Variants in SAMD12 observed in about 807,000 individuals in gnomAD.
SAMD12 encodes sterile alpha motif domain containing 12.
SAMD12 carries 9 observed loss-of-function variants against 15.0 expected under a neutral mutation model. The ratio of observed to expected loss-of-function variants is 0.60; its 90% CI spans 0.36 to 1.05. SAMD12 has a LOEUF of 1.05. Among genes scored for constraint, SAMD12 ranks in the 50% least tolerant of loss-of-function variants. The pLI, the probability that SAMD12 is intolerant of heterozygous loss-of-function variation, is 0.01. For missense variants in SAMD12, 230 were observed against 234.2 expected (o/e 0.98, Z 0.12); for synonymous variants, 86 against 90.1 (o/e 0.96, Z 0.25).
intron 4 of SAMD12, among the ~76,000 whole-genome samples, chr8:118,307,341 C>T (rs1815401458): frequency 6.6e-6 from 1 of 152,176 alleles, no homozygotes; most frequent in African/African-American, 2.4e-5. Flanking sequence ...CATATCCTTC[C>T]ACTCATGATT....
At chr8:118,172,975 G>A in the SAMD12 span, among the ~76,000 whole-genome samples, 2 of 152,080 alleles carry the variant, frequency 1.3e-5, no homozygotes, top group South Asian at 2.1e-4. Context: ...ATTTGTCCTC[G>A]TGCTGGTGGA....
chr8:118,557,760 C>T (rs896721896), intron 2 of SAMD12, among the ~76,000 whole-genome samples: 8 of 152,170 alleles, frequency 5.3e-5, no homozygotes, highest in African/African-American at 1.9e-4. Context: ...AGCCTGTGCT[C>T]TCCATATTAC....
In SAMD12 at chr8:118,254,393, C is replaced by T. The variant is rs112718570; in HGVS notation, c.434-56661G>A. ...AGTGCTGCAGCCTCCTTGCTGGAAA[C>T]GAGAAAGTTCCAGAGATTTTGATTC... On this transcript the variant is annotated intron_variant, in intron 4 of 4. Transcript: ENST00000409003. Among the ~76,000 whole-genome samples, 1,023 of 152,176 alleles carry T rather than the reference C, an allele frequency of 6.7e-3. 10 individuals carry two copies. Among genetic ancestry groups the T allele is most frequent in the African/African-American group, 0.023 (974 of 41,542 alleles).
At chr8:118,598,265 C>A (rs1357364966) in intron 1 of SAMD12, among the ~76,000 whole-genome samples, 2 of 152,168 alleles carry the variant, frequency 1.3e-5, no homozygotes, top group African/African-American at 4.8e-5. Context: ...CCCCTAATGT[C>A]ACCATATTTG....
intron 2 of SAMD12, among the ~76,000 whole-genome samples, chr8:118,488,142 G>T (rs1334776823): frequency 6.6e-6 from 1 of 151,814 alleles, no homozygotes; most frequent in Non-Finnish European, 1.5e-5. Flanking sequence ...ATAATGATGA[G>T]CCTTACCCCA....
chr8:118,203,912 C>G (rs1004643204), intron 4 of SAMD12, among the ~76,000 whole-genome samples: 1 of 144,578 alleles, frequency 6.9e-6, no homozygotes, highest in Non-Finnish European at 1.5e-5. Context: ...GACATGAACT[C>G]ATCCTTTTTT....
intron 4 of SAMD12, among the ~76,000 whole-genome samples, chr8:118,249,973 C>A (rs1812781924): frequency 6.6e-6 from 1 of 152,106 alleles, no homozygotes; most frequent in Admixed American, 6.6e-5. Flanking sequence ...GGTGAATCCA[C>A]ACCCCCGATG....
chr8:118,416,206 G>A (rs1821680521), intron 3 of SAMD12, among the ~76,000 whole-genome samples: 1 of 152,150 alleles, frequency 6.6e-6, no homozygotes, highest in Non-Finnish European at 1.5e-5. Context: ...CATAAATGCT[G>A]GATGTAGAGG....
intron 2 of SAMD12, among the ~76,000 whole-genome samples, chr8:118,481,809 G>T (rs6994553): frequency 0.013 from 1,960 of 152,198 alleles, 44 homozygotes; most frequent in African/African-American, 0.045. Flanking sequence ...TACAGGGCTT[G>T]GACAATAAAT....
intron 4 of SAMD12, among the ~76,000 whole-genome samples, chr8:118,275,439 T>G (rs922947142): frequency 3.3e-5 from 5 of 152,204 alleles, no homozygotes; most frequent in African/African-American, 4.8e-5. Flanking sequence ...ACTGCCCTTG[T>G]AAGATAAGTT....
downstream of SAMD12, among the ~76,000 whole-genome samples, chr8:118,188,372 A>C (rs1819280030): frequency 6.6e-6 from 1 of 152,192 alleles, no homozygotes; most frequent in Non-Finnish European, 1.5e-5. Flanking sequence ...TTTTAAGTAG[A>C]GGAAGTAGGA....
intron 4 of SAMD12, among the ~76,000 whole-genome samples, chr8:118,352,433 C>T (rs1818002355): frequency 6.6e-6 from 1 of 151,952 alleles, no homozygotes; most frequent in Non-Finnish European, 1.5e-5. Context: ...CAAGAGCACA[C>T]ACAACTGGCT....
chr8:118,141,871 GCTAGGGTC>G, the SAMD12 span, among the ~76,000 whole-genome samples: 1 of 152,182 alleles, frequency 6.6e-6, no homozygotes, highest in Non-Finnish European at 1.5e-5. Flanking sequence ...GCTAGGAAGG[GCTAGGGTC>G]CCACCTTAGT....
At chr8:118,321,527 T>C (rs1230174596) in intron 4 of SAMD12, among the ~76,000 whole-genome samples, 2 of 151,942 alleles carry the variant, frequency 1.3e-5, no homozygotes, top group African/African-American at 4.8e-5. Context: ...GGCAGGAGAA[T>C]TGCTTGAACC....
At chr8:118,453,773 G>A (rs898464467) in intron 2 of SAMD12, among the ~76,000 whole-genome samples, 5 of 151,978 alleles carry the variant, frequency 3.3e-5, no homozygotes, top group African/African-American at 7.2e-5. Flanking sequence ...CTCCTGCCTC[G>A]GCCTCCCAAA....
intron 4 of SAMD12, among the ~76,000 whole-genome samples, chr8:118,202,535 T>G (rs1047827674): frequency 6.6e-6 from 1 of 152,040 alleles, no homozygotes; most frequent in African/African-American, 2.4e-5. Flanking sequence ...TGGCAAAAGG[T>G]TCAATAACAG....
intron 1 of SAMD12, among the ~76,000 whole-genome samples, chr8:118,598,981 C>T (rs1425609196): frequency 3.3e-5 from 5 of 152,218 alleles, no homozygotes; most frequent in Admixed American, 1.3e-4. Context: ...CTGAAACTGC[C>T]ATCCATTCTT....
the SAMD12 span, among the ~76,000 whole-genome samples, chr8:118,145,358 G>C: frequency 6.6e-6 from 1 of 152,182 alleles, no homozygotes; most frequent in Non-Finnish European, 1.5e-5. Context: ...CTTCAAATCA[G>C]AATGTTCTTG....
At chr8:118,585,026 A>T (rs559294353) in intron 1 of SAMD12, among the ~76,000 whole-genome samples, 2 of 152,180 alleles carry the variant, frequency 1.3e-5, no homozygotes, top group Non-Finnish European at 2.9e-5. Flanking sequence ...AGCATTATTC[A>T]TAACAGTCAA....
Sources: gnomAD v4.1 joint callset for allele counts (sites outside exome capture counted in the v4.1 genomes callset) on GRCh38, gnomAD v4.1.1 for gene constraint, MANE v1.5 for transcripts, NCBI Gene and HGNC (gene_info 2026-07-23, HGNC 2026-07-21) for gene names.